The following TENM3 variants were observed in gnomAD, a reference collection of about 807,000 sequenced individuals.
TENM3 encodes teneurin transmembrane protein 3.
Under a neutral mutation model 255.1 loss-of-function variants are expected in TENM3, and 63 were observed. That is an observed-to-expected ratio of 0.25 (90% CI 0.20 to 0.30). TENM3 has a LOEUF of 0.30. TENM3 is among the 10% of genes least tolerant of loss of function. TENM3 has a pLI of 1.00. For synonymous variants in TENM3, 1,306 were observed against 1,322.3 expected, an observed-to-expected ratio of 0.99 and a Z score of 0.27; for missense variants, 2,929 against 3,461.1, an observed-to-expected ratio of 0.85 and a Z score of 3.86.
intron 3 of TENM3, among the ~76,000 whole-genome samples, chr4:182,582,511 G>C (rs766473312): frequency 6.6e-6 from 1 of 150,904 alleles, no homozygotes; most frequent in African/African-American, 2.4e-5. Context: ...GTATTCCACC[G>C]GCCTATGTGT....
At chr4:182,440,637 C>A (rs1469463666) in intron 3 of TENM3, among the ~76,000 whole-genome samples, 1 of 152,144 alleles carries the variant, frequency 6.6e-6, no homozygotes, top group Non-Finnish European at 1.5e-5. Context: ...AGATGAAAAA[C>A]AGACCCATGA....
chr4:182,600,512 A>ATT (rs1282736037), intron 3 of TENM3, among the ~76,000 whole-genome samples: 1 of 152,174 alleles, frequency 6.6e-6, no homozygotes, highest in South Asian at 2.1e-4. Context: ...GATTATATGC[A>ATT]TTTTGAAAAC....
intron 12 of TENM3, among the ~76,000 whole-genome samples, chr4:182,709,546 AT>A (rs572120342): frequency 8.7e-4 from 132 of 152,190 alleles, no homozygotes; most frequent in African/African-American, 3.0e-3. Context: ...AAATGTCTGC[AT>A]TTTTTTATTT....
intron 8 of TENM3, 34 bp downstream of exon 8, chr4:182,679,910 C>G (rs1295261317): frequency 1.3e-6 from 2 of 1,547,588 alleles, no homozygotes; most frequent in African/African-American, 2.7e-5. Context: ...ATTTTCCAGG[C>G]TATAGCCTAA....
At chr4:182,112,182 T>G in the TENM3 span, among the ~76,000 whole-genome samples, 35 of 152,132 alleles carry the variant, frequency 2.3e-4, no homozygotes, top group African/African-American at 8.0e-4. Flanking sequence ...ATGACTACAT[T>G]TTTCTCCTTT....
chr4:182,098,688 G>A, the TENM3 span, among the ~76,000 whole-genome samples: 1 of 152,168 alleles, frequency 6.6e-6, no homozygotes, highest in African/African-American at 2.4e-5. Context: ...TGGGAAAGGG[G>A]AGATAAGAAG....
intron 3 of TENM3, among the ~76,000 whole-genome samples, chr4:182,584,923 T>C (rs1326158491): frequency 6.6e-6 from 1 of 152,188 alleles, no homozygotes; most frequent in Non-Finnish European, 1.5e-5. Context: ...ATTACAGGCG[T>C]GAGCCACCGT....
intron 3 of TENM3, among the ~76,000 whole-genome samples, chr4:182,477,593 T>A (rs1406896061): frequency 6.6e-6 from 1 of 152,164 alleles, no homozygotes; most frequent in Admixed American, 6.6e-5. Context: ...ATAATGTCTT[T>A]TCGTTCTTTA....
At chr4:182,027,661 G>A in the TENM3 span, among the ~76,000 whole-genome samples, 1 of 151,530 alleles carries the variant, frequency 6.6e-6, no homozygotes, top group Admixed American at 6.6e-5. Context: ...AGTTACTTTA[G>A]GGTTTTTATC....
At chr4:181,809,210 A>T in the TENM3 span, among the ~76,000 whole-genome samples, 1 of 152,350 alleles carries the variant, frequency 6.6e-6, no homozygotes, top group African/African-American at 2.4e-5. Flanking sequence ...ACATATACTT[A>T]TAAGGAAAGT....
chr4:182,451,416 C>G (rs1416265423), intron 3 of TENM3, among the ~76,000 whole-genome samples: 6 of 152,092 alleles, frequency 3.9e-5, no homozygotes, highest in Admixed American at 3.9e-4. Flanking sequence ...CTTCTATTTA[C>G]TGTTAGTTTT....
At chr4:182,501,376 G>A (rs56021618) in intron 3 of TENM3, among the ~76,000 whole-genome samples, 1 of 139,034 alleles carries the variant, frequency 7.2e-6, no homozygotes, top group Non-Finnish European at 1.6e-5. Context: ...CTAAAAGTGG[G>A]GGGGGGGGTT....
At chr4:182,676,034 G>A (rs1048432162) in intron 7 of TENM3, among the ~76,000 whole-genome samples, 19 of 152,166 alleles carry the variant, frequency 1.2e-4, no homozygotes, top group African/African-American at 4.3e-4. Flanking sequence ...GCAAACAACT[G>A]TTTCTGAGTT....
chr4:181,574,482 G>T, the TENM3 span, among the ~76,000 whole-genome samples: 1 of 151,198 alleles, frequency 6.6e-6, no homozygotes, highest in Non-Finnish European at 1.5e-5. Flanking sequence ...AGTGAGCCGA[G>T]ATCGTGCCAC....
chr4:182,776,831 T>G (rs1420429680), intron 24 of TENM3, among the ~76,000 whole-genome samples: 1 of 152,188 alleles, frequency 6.6e-6, no homozygotes, highest in Non-Finnish European at 1.5e-5. Context: ...AGAGCCACAA[T>G]GCCTCAGCAA....
At chr4:181,803,151 T>C in the TENM3 span, among the ~76,000 whole-genome samples, 3 of 152,196 alleles carry the variant, frequency 2.0e-5, no homozygotes, top group African/African-American at 4.8e-5. Flanking sequence ...GGAAGCAATA[T>C]CCACTGTGTA....
the TENM3 span, among the ~76,000 whole-genome samples, chr4:182,116,031 T>C: frequency 1.3e-5 from 2 of 150,558 alleles, no homozygotes; most frequent in South Asian, 4.2e-4. Flanking sequence ...TGAACCTACA[T>C]TGATGACACA....
At chr4:181,542,914 C>A in the TENM3 span, among the ~76,000 whole-genome samples, 2 of 152,150 alleles carry the variant, frequency 1.3e-5, no homozygotes, top group Non-Finnish European at 2.9e-5. Flanking sequence ...ATCAAGGGTT[C>A]CCCCATCCCC....
intron 3 of TENM3, among the ~76,000 whole-genome samples, chr4:182,481,721 G>A (rs1413718265): frequency 6.6e-6 from 1 of 152,202 alleles, no homozygotes; most frequent in Admixed American, 6.5e-5. Context: ...TTTGAGCCCA[G>A]GAGGCAAGGG....
Sources: allele counts gnomAD v4.1 joint callset (sites outside exome capture counted in the v4.1 genomes callset), GRCh38; gene constraint gnomAD v4.1.1; transcripts MANE v1.5; gene names NCBI Gene and HGNC (gene_info 2026-07-23, HGNC 2026-07-21).